The following TTC3 variants were observed in gnomAD, a reference collection of about 807,000 sequenced individuals.
The protein encoded by TTC3 is tetratricopeptide repeat domain 3.
TTC3 carries 180 observed loss-of-function variants against 249.6 expected under a neutral mutation model. The observed-to-expected ratio is 0.72, with a 90% confidence interval of 0.64 to 0.82. TTC3 has a LOEUF of 0.82. Ranked by LOEUF, TTC3 falls within the 40% of genes least tolerant of loss-of-function variation. TTC3 has a pLI of 0.00. For synonymous variants in TTC3, 717 were observed against 805.0 expected (o/e 0.89, Z 1.85); for missense variants, 2,061 against 2,398.4 (o/e 0.86, Z 2.94).
intron 11 of TTC3, among the ~76,000 whole-genome samples, chr21:37,113,301 G>A (rs2075837957): frequency 3.9e-5 from 6 of 152,320 alleles, no homozygotes; most frequent in Admixed American, 2.6e-4. Context: ...CATCGTCTCA[G>A]CCCAAAATCT....
intron 10 of TTC3, among the ~76,000 whole-genome samples, chr21:37,106,771 C>T (rs2075119191): frequency 6.6e-6 from 1 of 152,136 alleles, no homozygotes; most frequent in South Asian, 2.1e-4. Flanking sequence ...ATGGCATGTG[C>T]CTATATTCCC....
rs139010985 is a variant in TTC3, at chr21:37,153,030, T to C, written c.2493T>C (p.Ile831=). The C allele has an allele frequency of 1.9e-6, 3 of 1,613,920 alleles. No homozygotes were observed. In the African/African-American group the frequency reaches 4.0e-5, roughly 22 times the overall value. Residue 831 remains isoleucine (I), a synonymous_variant, in exon 27 of 46, where the codon ATT becomes ATC. Coordinates refer to ENST00000355666, the Ensembl canonical transcript of TTC3. ...GTATAAAGCAGTATGCTGACAAGAT[T>C]AAATCCGGCATACAGAATACAGCCA...
In TTC3 at chr21:37,182,793, A is replaced by G. The variant is rs1259578776; in HGVS notation, c.4637A>G (p.Asp1546Gly). The G allele has an allele frequency of 6.3e-7, 1 of 1,593,162 alleles. No homozygotes were observed. The highest frequency in any genetic ancestry group is 1.4e-5 in the African/African-American group (1 of 73,624). ...TTTTAGATCTCAAAGACGGAATTAGATTGGTTCCTTCAAGATTTGGAAAGA... is the reference window on the plus strand; with the variant it reads ...TTTTAGATCTCAAAGACGGAATTAGGTTGGTTCCTTCAAGATTTGGAAAGA... Residue 1546 changes from aspartate (D) to glycine (G), a missense_variant, in exon 36 of 46, where the codon GAT (aspartate) becomes GGT (glycine). Asp to Gly is a moderately conservative substitution (Grantham distance 94). Around this residue, in one of 3 missense-constraint regions of TTC3, gnomAD observed 1,040 missense variants for 1,186.1 expected, o/e 0.88. Coordinates refer to ENST00000355666, the Ensembl canonical transcript of TTC3.
At chr21:37,110,655 C>A (rs2075573843) in intron 11 of TTC3, among the ~76,000 whole-genome samples, 1 of 152,168 alleles carries the variant, frequency 6.6e-6, no homozygotes, top group African/African-American at 2.4e-5. Flanking sequence ...AGGAGAACTT[C>A]CCCAATCTAG....
At chr21:37,156,802 C>T (rs938651797) in exon 28 of TTC3, 3 of 1,613,928 alleles carry the variant, frequency 1.9e-6, no homozygotes, top group Non-Finnish European at 2.5e-6. Flanking sequence ...TTCTCTGAGC[C>T]AGCATCATTG....
At chr21:37,128,282 TCC>T (rs1360711704) in intron 15 of TTC3, among the ~76,000 whole-genome samples, 1 of 152,184 alleles carries the variant, frequency 6.6e-6, no homozygotes, top group Non-Finnish European at 1.5e-5. Context: ...AGCATGGCTC[TCC>T]CTGCCCAAAA....
intron 26 of TTC3, among the ~76,000 whole-genome samples, chr21:37,152,422 T>C (rs2148013886): frequency 6.7e-6 from 1 of 149,064 alleles, no homozygotes; most frequent in East Asian, 2.1e-4. Context: ...AGTCTCACTC[T>C]GTTGCCCAGG....
At chr21:37,163,524 A>AT (rs1343307197) in intron 31 of TTC3, among the ~76,000 whole-genome samples, 9 of 152,098 alleles carry the variant, frequency 5.9e-5, no homozygotes, top group African/African-American at 2.2e-4. Context: ...CTAATTTTGT[A>AT]TTTTTATTAG....
At chr21:37,077,821 T>A (rs2071108828) in intron 1 of TTC3, among the ~76,000 whole-genome samples, 7 of 152,202 alleles carry the variant, frequency 4.6e-5, no homozygotes, top group Admixed American at 4.6e-4. Flanking sequence ...GTTGTAAATA[T>A]CTTTTTCTGG....
chr21:37,073,373 A>G (rs2070301641), intron 1 of TTC3: 2 of 972,222 alleles, frequency 2.1e-6, no homozygotes, highest in East Asian at 1.1e-4. Context: ...GGGTGAGTGC[A>G]CACCCGGCGC....
chr21:37,165,432 G>A (rs1312772823), intron 32 of TTC3, 118 bp from the exon 33 acceptor site: 2 of 752,816 alleles, frequency 2.7e-6, no homozygotes, highest in African/African-American at 3.5e-5. Flanking sequence ...TTGAGGAAAG[G>A]TTGAGATCAG....
intron 18 of TTC3, 43 bp downstream of exon 18, chr21:37,135,557 C>CTTGTTT: frequency 6.3e-7 from 1 of 1,591,278 alleles, no homozygotes; most frequent in South Asian, 1.1e-5. Context: ...TGCTAATGCA[C>CTTGTTT]CTCAGATGAA....
intron 38 of TTC3, among the ~76,000 whole-genome samples, chr21:37,187,446 T>G (rs2083432169): frequency 6.6e-6 from 1 of 152,226 alleles, no homozygotes; most frequent in Non-Finnish European, 1.5e-5. Context: ...TTGAATACTT[T>G]CATCATATTT....
chr21:37,142,663 C>T (rs1207374261), intron 20 of TTC3, among the ~76,000 whole-genome samples: 1 of 152,138 alleles, frequency 6.6e-6, no homozygotes, highest in East Asian at 1.9e-4. Context: ...TGAAAATGGC[C>T]ATATTGCCAA....
rs1232725961 is a variant in TTC3 at position 37,087,764 on chromosome 21, G to C, written c.145-69G>C. On this transcript the variant is annotated intron_variant, in intron 2 of 45. Transcript: ENST00000355666. ...CACTGAAAGTTCTTTGGTTAGTTCTGATAATCCTTAGATTAAAAATCAAGA... is the reference window on the plus strand; with the variant it reads ...CACTGAAAGTTCTTTGGTTAGTTCTCATAATCCTTAGATTAAAAATCAAGA... The C allele has an allele frequency of 2.4e-6, 3 of 1,256,160 alleles. No individual in the cohort carries two copies. The African/African-American group carries it at 4.5e-5, about 19-fold the overall frequency. The allele number at this position is 1,256,160 out of a possible 1,614,324, so 77.8% of individuals were successfully genotyped here.
chr21:37,170,723 A>G (rs1187075358), intron 34 of TTC3, among the ~76,000 whole-genome samples: 2 of 152,220 alleles, frequency 1.3e-5, no homozygotes, highest in Non-Finnish European at 2.9e-5. Flanking sequence ...TCCTGCTGCT[A>G]TTTGTACAAA....
intron 11 of TTC3, among the ~76,000 whole-genome samples, chr21:37,110,388 G>A (rs1035735865): frequency 2.6e-5 from 4 of 152,136 alleles, no homozygotes; most frequent in African/African-American, 4.8e-5. Flanking sequence ...TGAAAACCAC[G>A]GCACGAGAAC....
At chr21:37,139,916 A>G (rs1314533058) in intron 19 of TTC3, among the ~76,000 whole-genome samples, 1 of 152,196 alleles carries the variant, frequency 6.6e-6, no homozygotes, top group Non-Finnish European at 1.5e-5. Context: ...ACTGGCCTCA[A>G]AGCTCCATTT....
chr21:37,169,555 C>T (rs1176245847), intron 34 of TTC3, among the ~76,000 whole-genome samples: 1 of 150,344 alleles, frequency 6.7e-6, no homozygotes, highest in African/African-American at 2.5e-5. Context: ...GTCAGTCAAT[C>T]AAGATGGTAG....
Sources: allele counts gnomAD v4.1 joint callset (sites outside exome capture counted in the v4.1 genomes callset), GRCh38; gene constraint gnomAD v4.1.1; regional missense constraint gnomAD v4.1.1; transcripts MANE v1.5; gene names NCBI Gene and HGNC (gene_info 2026-07-23, HGNC 2026-07-21).